Variants in SLC9B1 observed in about 807,000 individuals in gnomAD.
SLC9B1 encodes the protein sodium/hydrogen exchanger 9B1.
SLC9B1 carries 32 observed loss-of-function variants against 51.7 expected under a neutral mutation model. That is an observed-to-expected ratio of 0.62 (90% CI 0.47 to 0.83). SLC9B1 has a LOEUF of 0.83. SLC9B1 is among the 40% of genes least tolerant of loss of function. The pLI is 0.00. For synonymous variants in SLC9B1, 145 were observed against 212.7 expected, an observed-to-expected ratio of 0.68 and a Z score of 2.77; for missense variants, 406 against 613.2, an observed-to-expected ratio of 0.66 and a Z score of 3.57.
chr4:102,943,769 A>T (rs943554839), intron 6 of SLC9B1, among the ~76,000 whole-genome samples: 3 of 152,140 alleles, frequency 2.0e-5, no homozygotes, highest in South Asian at 2.1e-4. Flanking sequence ...GGTGAGCGAT[A>T]AAAGACTACA....
At chr4:102,967,367 A>T (rs1319016878) in intron 3 of SLC9B1, among the ~76,000 whole-genome samples, 1 of 152,176 alleles carries the variant, frequency 6.6e-6, no homozygotes, top group Non-Finnish European at 1.5e-5. Flanking sequence ...TCTCAGTACA[A>T]ATTTTCTGTC....
At chr4:102,895,389 TA>T (rs1480992614) in intron 11 of SLC9B1, among the ~76,000 whole-genome samples, 1 of 152,062 alleles carries the variant, frequency 6.6e-6, no homozygotes, top group African/African-American at 2.4e-5. Context: ...AATAGAAGAC[TA>T]AAGAACAGGA....
intron 10 of SLC9B1, 145 bp from the exon 11 acceptor site, chr4:102,905,795 T>C (rs1578334376): frequency 2.7e-6 from 2 of 729,402 alleles, no homozygotes; most frequent in East Asian, 5.5e-5. Flanking sequence ...AAAACAATGA[T>C]TATAAAAAAT....
rs533221756 is a variant in SLC9B1 at position 102,962,784 on chromosome 4, G to T, written c.212-13357C>A. On this transcript the variant is annotated intron_variant, in intron 3 of 11. Transcript: ENST00000296422. ...ATTAAGGAGAAATACTGTTACATTTGCCCTGATACAGTCAAGGAATTTGCT... is the reference window on the plus strand; with the variant it reads ...ATTAAGGAGAAATACTGTTACATTTTCCCTGATACAGTCAAGGAATTTGCT... 732 of 475,618 alleles carry T rather than the reference G, an allele frequency of 1.5e-3. 8 individuals are homozygous for T. Among genetic ancestry groups the T allele is most frequent in the Middle Eastern group, 0.013 (37 of 2,808 alleles). The allele number at this position is 475,618 out of a possible 1,614,324, so 29.5% of individuals were successfully genotyped here. A position where few individuals can be genotyped will look rare whatever the true frequency, so the allele number is the denominator to read the frequency against.
intron 1 of SLC9B1, among the ~76,000 whole-genome samples, chr4:102,999,069 G>C (rs1740379212): frequency 6.6e-6 from 1 of 152,134 alleles, no homozygotes; most frequent in African/African-American, 2.4e-5. Context: ...GCCCAGGCTG[G>C]TCTCAAACTC....
intron 11 of SLC9B1, among the ~76,000 whole-genome samples, chr4:102,905,233 A>ATTTATTTG (rs569004930): frequency 6.7e-6 from 1 of 149,468 alleles, no homozygotes; most frequent in African/African-American, 2.5e-5. Context: ...TTATTTATTT[A>ATTTATTTG]TTTTTTTGAG....
intron 11 of SLC9B1, chr4:102,891,457 T>A (rs1202921877): frequency 6.6e-6 from 1 of 152,198 alleles, no homozygotes; most frequent in Non-Finnish European, 1.5e-5. Flanking sequence ...TCTGAGGACA[T>A]CACTGTGATC....
At chr4:102,923,456 A>T (rs1439389108) in intron 7 of SLC9B1, among the ~76,000 whole-genome samples, 1 of 152,230 alleles carries the variant, frequency 6.6e-6, no homozygotes, top group African/African-American at 2.4e-5. Context: ...AGCCAATATC[A>T]TACTGAATGG....
rs141412944 is a variant in SLC9B1 at position 102,974,242 on chromosome 4, G to GA, written c.211+15557dup. On this transcript the variant is annotated intron_variant, in intron 3 of 11. Coordinates refer to ENST00000296422, the MANE Select transcript of SLC9B1 (RefSeq NM_139173.4). The stretch of plus-strand genomic sequence containing the variant: ...ACAGAGCAAGACTCTGTCTAAAATT[G>GA]AAAAAAAAAAAAAAAAAAAAAAAAT... Among the ~76,000 whole-genome samples, 393 of 53,394 alleles carry GA rather than the reference G, an allele frequency of 7.4e-3. 4 individuals carry two copies. The highest frequency in any genetic ancestry group is 9.0e-3 in the Non-Finnish European group (268 of 29,930). 35.0% of individuals were successfully genotyped at this position (53,394 alleles called of 152,430 possible).
At chr4:102,903,908 A>C (rs369898640) in intron 11 of SLC9B1, among the ~76,000 whole-genome samples, 1 of 152,218 alleles carries the variant, frequency 6.6e-6, no homozygotes, top group East Asian at 1.9e-4. Flanking sequence ...TACGTAGTCT[A>C]TCAAGGGGGC....
At chr4:103,016,952 A>C (rs1741397671) in intron 1 of SLC9B1, 1 of 152,152 alleles carries the variant, frequency 6.6e-6, no homozygotes, top group Non-Finnish European at 1.5e-5. Flanking sequence ...TGCACTCTGC[A>C]CAGAGCTGAA....
At chr4:102,975,586 A>ATTTTTTTTTTTTTTT (rs1197166005) in intron 3 of SLC9B1, among the ~76,000 whole-genome samples, 9 of 62,306 alleles carry the variant, frequency 1.4e-4, no homozygotes, top group Non-Finnish European at 1.9e-4. Context: ...ATATATATAT[A>ATTTTTTTTTTTTTTT]TTTTTTTTTT....
At chr4:102,950,031 A>G (rs1737470667) in intron 3 of SLC9B1, among the ~76,000 whole-genome samples, 2 of 152,176 alleles carry the variant, frequency 1.3e-5, no homozygotes, top group South Asian at 4.1e-4. Flanking sequence ...ATAATATATG[A>G]TAGTTAAAAA....
chr4:102,888,216 T>C (rs1042030458), intron 11 of SLC9B1: 8 of 152,346 alleles, frequency 5.3e-5, no homozygotes, highest in African/African-American at 1.9e-4. Context: ...AGTTCAGTGT[T>C]CAAAATTGTG....
chr4:102,961,197 A>C (rs1738096588), intron 3 of SLC9B1, among the ~76,000 whole-genome samples: 1 of 152,354 alleles, frequency 6.6e-6, no homozygotes, highest in Non-Finnish European at 1.5e-5. Flanking sequence ...CAAATTAAGA[A>C]ATGCAATTCA....
intron 6 of SLC9B1, among the ~76,000 whole-genome samples, chr4:102,940,128 C>T (rs1736917619): frequency 2.6e-5 from 4 of 152,132 alleles, no homozygotes; most frequent in Admixed American, 2.6e-4. Flanking sequence ...CAAGAGCTCC[C>T]AGATCTGACA....
At chr4:103,005,578 G>C (rs1471320781) in intron 1 of SLC9B1, among the ~76,000 whole-genome samples, 1 of 152,066 alleles carries the variant, frequency 6.6e-6, no homozygotes, top group Non-Finnish European at 1.5e-5. Flanking sequence ...AGATATTTGG[G>C]ACCTGCACTC....
chr4:102,950,795 A>C (rs372174665), intron 3 of SLC9B1, among the ~76,000 whole-genome samples: 3 of 152,310 alleles, frequency 2.0e-5, no homozygotes, highest in South Asian at 4.1e-4. Context: ...GGAGTTCAAA[A>C]TGAGCCTGAC....
At position 102,932,269 on chromosome 4, in the gene SLC9B1, A is replaced by G. The variant is rs1409084538; in HGVS notation, c.684T>C (p.Val228=). 6.2e-7 allele frequency: 1 copy of G among 1,611,908 alleles called. No individual in the cohort carries two copies. The highest frequency in any genetic ancestry group is 2.2e-5 in the East Asian group (1 of 44,842). Residue 228 remains valine (V), a synonymous_variant, in exon 7 of 12, where the codon GTT becomes GTC. Transcript: ENST00000296422. Reference sequence around the variant, plus strand: ...GCAGCACCATCATGTAAGGGACAACAACAGCAGGAGAGACAGCACCTAGAA... The same window carrying G: ...GCAGCACCATCATGTAAGGGACAACGACAGCAGGAGAGACAGCACCTAGAA... ...GFVLGAVSPA[V]VVPYMMVLQE...
Sources: allele counts gnomAD v4.1 joint callset (sites outside exome capture counted in the v4.1 genomes callset), GRCh38; gene constraint gnomAD v4.1.1; transcripts MANE v1.5; gene names NCBI Gene and HGNC (gene_info 2026-07-23, HGNC 2026-07-21).